The following RAD51B variants were observed in gnomAD, a reference collection of about 807,000 sequenced individuals.
RAD51B encodes DNA repair protein RAD51 homolog 2.
RAD51B carries 38 observed loss-of-function variants against 42.2 expected under a neutral mutation model. That is an observed-to-expected ratio of 0.90 (90% CI 0.70 to 1.18). The LOEUF (loss-of-function observed/expected upper bound fraction) is 1.18, where lower values mean the gene tolerates loss of function less well. Among genes scored for constraint, RAD51B ranks in the 50% most tolerant of loss-of-function variants. The pLI is 0.00. For synonymous variants in RAD51B, 154 were observed against 145.2 expected (o/e 1.06, Z -0.43); for missense variants, 373 against 400.7 (o/e 0.93, Z 0.59).
chr14:68,537,372 G>A (rs71423316), intron 10 of RAD51B, among the ~76,000 whole-genome samples: 27,988 of 151,086 alleles, frequency 0.19, 3,302 homozygotes, highest in Non-Finnish European at 0.27. Context: ...GGTGGCGGGC[G>A]CCTGTAGTCC....
At chr14:68,154,441 T>C (rs1048633391) in intron 7 of RAD51B, among the ~76,000 whole-genome samples, 18 of 152,218 alleles carry the variant, frequency 1.2e-4, no homozygotes, top group Non-Finnish European at 2.1e-4. Flanking sequence ...TACCCTCTAC[T>C]CCTCTCAGAG....
At chr14:68,339,395 G>A in intron 8 of RAD51B, 2 of 894,642 alleles carry the variant, frequency 2.2e-6, no homozygotes, top group African/African-American at 1.7e-5. Context: ...TTTGGGGCTG[G>A]ATATCCTGTC....
At chr14:68,662,649 G>C (rs766136673) in intron 11 of RAD51B, among the ~76,000 whole-genome samples, 6 of 152,198 alleles carry the variant, frequency 3.9e-5, no homozygotes, top group Non-Finnish European at 8.8e-5. Flanking sequence ...ACAATGCCAT[G>C]TGCTACCAAC....
intron 7 of RAD51B, among the ~76,000 whole-genome samples, chr14:68,033,464 A>G (rs2076077133): frequency 6.6e-6 from 1 of 152,194 alleles, no homozygotes; most frequent in Non-Finnish European, 1.5e-5. Context: ...GTGTCACTTA[A>G]TATCAGCACT....
chr14:68,559,725 G>A (rs1406042369), intron 10 of RAD51B, among the ~76,000 whole-genome samples: 1 of 152,198 alleles, frequency 6.6e-6, no homozygotes, highest in Non-Finnish European at 1.5e-5. Context: ...AAGGAAGACT[G>A]CAGAGGTGTT....
intron 8 of RAD51B, among the ~76,000 whole-genome samples, chr14:68,329,343 A>G (rs2082304283): frequency 6.6e-6 from 1 of 152,216 alleles, no homozygotes; most frequent in South Asian, 2.1e-4. Context: ...TCTGTCACTT[A>G]TAACCCAAAC....
intron 7 of RAD51B, among the ~76,000 whole-genome samples, chr14:68,018,504 G>A (rs954836663): frequency 1.3e-5 from 2 of 152,168 alleles, no homozygotes; most frequent in Non-Finnish European, 2.9e-5. Context: ...TGGTGTGGGC[G>A]AGTTTCAACA....
chr14:68,491,784 A>G (rs1300052797), intron 10 of RAD51B, among the ~76,000 whole-genome samples: 2 of 152,266 alleles, frequency 1.3e-5, no homozygotes, highest in African/African-American at 4.8e-5. Context: ...CAGGGTAGAT[A>G]AATGATTGGT....
intron 9 of RAD51B, among the ~76,000 whole-genome samples, chr14:68,417,305 A>G (rs2084585964): frequency 6.6e-6 from 1 of 152,154 alleles, no homozygotes; most frequent in East Asian, 1.9e-4. Context: ...GCCAGAGGAG[A>G]AGTTCGGCTG....
At chr14:68,384,724 T>TC in intron 8 of RAD51B, among the ~76,000 whole-genome samples, 1 of 152,166 alleles carries the variant, frequency 6.6e-6, no homozygotes, top group South Asian at 2.1e-4. Context: ...TTTTAGCGTT[T>TC]CCATACCCAG....
chr14:68,442,867 C>G (rs2085334298), intron 9 of RAD51B, among the ~76,000 whole-genome samples: 1 of 152,040 alleles, frequency 6.6e-6, no homozygotes, highest in Non-Finnish European at 1.5e-5. Context: ...CTTGTCCAAG[C>G]CGACTTAATC....
At chr14:68,561,932 G>A in intron 10 of RAD51B, 3 of 982,842 alleles carry the variant, frequency 3.1e-6, no homozygotes, top group Non-Finnish European at 3.6e-6. Flanking sequence ...ATGAGGTCAT[G>A]TGTGCAAAGT....
chr14:68,278,711 C>G (rs929458631), intron 7 of RAD51B, among the ~76,000 whole-genome samples: 1 of 152,162 alleles, frequency 6.6e-6, no homozygotes, highest in South Asian at 2.1e-4. Context: ...GGCTTCTCAT[C>G]TCCTTTCCCT....
chr14:68,127,604 A>AACACACACACACAC lies in RAD51B; in HGVS notation c.757-164242_757-164229dup, dbSNP rs1158570155. On this transcript the variant is annotated intron_variant, in intron 7 of 10. Coordinates refer to ENST00000471583, the MANE Select transcript of RAD51B (RefSeq NM_133510.4). ...TTCATAAATAACAATTGTACATTGTAACACACACACACACACACACACACA... is the reference window on the plus strand; with the variant it reads ...TTCATAAATAACAATTGTACATTGTAACACACACACACACACACACACACACACACACACACACA... Among the ~76,000 whole-genome samples the AACACACACACACAC allele has an allele frequency of 2.6e-4, 35 of 133,634 alleles. 1 individual carries two copies. Among genetic ancestry groups the AACACACACACACAC allele is most frequent in the East Asian group, 2.3e-3 (10 of 4,266 alleles). The allele number at this position is 133,634 out of a possible 152,430, so 87.7% of individuals were successfully genotyped here. A position where few individuals can be genotyped will look rare whatever the true frequency, so the allele number is the denominator to read the frequency against.
downstream of RAD51B, among the ~76,000 whole-genome samples, chr14:68,614,943 G>C (rs1206316172): frequency 1.3e-5 from 2 of 152,210 alleles, no homozygotes; most frequent in Non-Finnish European, 2.9e-5. Context: ...CATGATCTCA[G>C]CTCACTGCAA....
At chr14:68,221,610 C>T (rs2079928480) in intron 7 of RAD51B, among the ~76,000 whole-genome samples, 1 of 152,206 alleles carries the variant, frequency 6.6e-6, no homozygotes, top group Admixed American at 6.5e-5. Context: ...AAAAACCCTT[C>T]TAGACACTGG....
At chr14:68,089,645 AG>A (rs2077056541) in intron 7 of RAD51B, among the ~76,000 whole-genome samples, 1 of 152,236 alleles carries the variant, frequency 6.6e-6, no homozygotes, top group Admixed American at 6.5e-5. Flanking sequence ...GCCAAGTGCC[AG>A]ATTTGCATTT....
At chr14:68,655,860 G>A (rs1007820882) in intron 11 of RAD51B, among the ~76,000 whole-genome samples, 1 of 152,190 alleles carries the variant, frequency 6.6e-6, no homozygotes, top group African/African-American at 2.4e-5. Context: ...GGCTAAGGAG[G>A]AAATCGAGAC....
intron 8 of RAD51B, among the ~76,000 whole-genome samples, chr14:68,327,398 C>CA (rs1159527540): frequency 7.6e-6 from 1 of 130,956 alleles, no homozygotes; most frequent in Non-Finnish European, 1.6e-5. Context: ...TTTTTTTTAA[C>CA]AAAGAGTTGT....
Sources: gnomAD v4.1 joint callset for allele counts (sites outside exome capture counted in the v4.1 genomes callset) on GRCh38, gnomAD v4.1.1 for gene constraint, MANE v1.5 for transcripts, NCBI Gene and HGNC (gene_info 2026-07-23, HGNC 2026-07-21) for gene names.